The following SLC25A25 variants were observed in gnomAD, a reference collection of about 807,000 sequenced individuals.
SLC25A25 encodes mitochondrial adenyl nucleotide antiporter SLC25A25.
SLC25A25 carries 32 observed loss-of-function variants against 57.7 expected under a neutral mutation model. The observed-to-expected ratio is 0.55, with a 90% CI of 0.42 to 0.74. The LOEUF (loss-of-function observed/expected upper bound fraction) is 0.74. Ranked by LOEUF, SLC25A25 falls within the 30% of genes least tolerant of loss-of-function variation. The pLI, the probability that SLC25A25 is intolerant of heterozygous loss-of-function variation, is 0.00. For synonymous variants in SLC25A25, 306 were observed against 291.2 expected, an observed-to-expected ratio of 1.05 and a Z score of -0.52; for missense variants, 556 against 701.3, an observed-to-expected ratio of 0.79 and a Z score of 2.34.
In SLC25A25 at chr9:128,069,852, A is replaced by C. The variant is rs539751595; in HGVS notation, c.261+1272A>C. ...CTGCAGCCTCCGCCTCCTGGGTTCA[A>C]GAGATTCTCCCGCCTCAGCCTCCCC... On this transcript the variant is annotated intron_variant, in intron 1 of 10. Transcript: ENST00000373069. Among the ~76,000 whole-genome samples, 792 of 144,112 alleles carry C rather than the reference A, an allele frequency of 5.5e-3. 11 individuals carry two copies. Among genetic ancestry groups the C allele is most frequent in the African/African-American group, 0.019 (721 of 37,218 alleles). 94.5% of individuals were successfully genotyped at this position (144,112 alleles called of 152,430 possible).
At chr9:128,074,933 CGA>C (rs1055282396) in intron 1 of SLC25A25, among the ~76,000 whole-genome samples, 3 of 152,022 alleles carry the variant, frequency 2.0e-5, no homozygotes, top group African/African-American at 7.3e-5. Flanking sequence ...GTCAGGAGTT[CGA>C]GACCAGCCTG....
chr9:128,078,088 CT>C (rs1482303240), intron 1 of SLC25A25, among the ~76,000 whole-genome samples: 1 of 151,538 alleles, frequency 6.6e-6, no homozygotes, highest in Non-Finnish European at 1.5e-5. Flanking sequence ...CCTTCTGCTG[CT>C]TGCTAGCTGA....
chr9:128,074,732 A>G (rs1028410364), intron 1 of SLC25A25, among the ~76,000 whole-genome samples: 1 of 152,062 alleles, frequency 6.6e-6, no homozygotes, highest in Non-Finnish European at 1.5e-5. Context: ...AAAAAAGAAC[A>G]TATGAGGCTG....
chr9:128,090,405 G>T (rs960407401), intron 1 of SLC25A25, among the ~76,000 whole-genome samples: 8 of 151,920 alleles, frequency 5.3e-5, no homozygotes, highest in African/African-American at 1.9e-4. Flanking sequence ...TAGAGACGGG[G>T]TTTCACCATG....
chr9:128,078,474 A>T (rs1833067547), intron 1 of SLC25A25, among the ~76,000 whole-genome samples: 2 of 152,158 alleles, frequency 1.3e-5, no homozygotes, highest in African/African-American at 4.8e-5. Flanking sequence ...CCGCTGTGGA[A>T]AACCTGGGCT....
At chr9:128,077,409 C>A (rs948991675) in intron 1 of SLC25A25, among the ~76,000 whole-genome samples, 2 of 151,496 alleles carry the variant, frequency 1.3e-5, no homozygotes, top group Non-Finnish European at 1.5e-5. Context: ...CCCAGCAACT[C>A]GGGAGGCTGA....
intron 1 of SLC25A25, chr9:128,091,614 G>T: frequency 1.8e-6 from 2 of 1,136,580 alleles, no homozygotes; most frequent in Non-Finnish European, 2.2e-6. Context: ...AGTTTTTATT[G>T]AAGAAGCTCC....
chr9:128,086,539 G>A (rs893436105), intron 1 of SLC25A25, among the ~76,000 whole-genome samples: 14 of 152,040 alleles, frequency 9.2e-5, no homozygotes, highest in African/African-American at 3.4e-4. Context: ...CTCCATGTTG[G>A]TGAGGCTGGT....
chr9:128,087,140 G>A (rs1314595446), intron 1 of SLC25A25, among the ~76,000 whole-genome samples: 3 of 150,180 alleles, frequency 2.0e-5, no homozygotes, highest in Non-Finnish European at 4.4e-5. Context: ...GCTTGAACCC[G>A]GAAGGCAGAG....
intron 1 of SLC25A25, among the ~76,000 whole-genome samples, chr9:128,090,151 GAATA>G (rs1833366732): frequency 6.6e-6 from 1 of 151,948 alleles, no homozygotes. Flanking sequence ...TAAAAGCTAG[GAATA>G]AATGGCAGCA....
rs1167880816 is a variant in SLC25A25 at position 128,084,158 on chromosome 9, C to T, written c.261+15578C>T. 3.3e-5 allele frequency among the ~76,000 whole-genome samples: 5 copies of T among 152,062 alleles called. No individual in the cohort carries two copies. In the South Asian group the frequency reaches 1.0e-3, roughly 32 times the overall value. The stretch of plus-strand genomic sequence containing the variant: ...GTGCTAAGGGCATTCCAAGTAAACG[C>T]GAAAAACTAATTCAGGCCATGATGG... On this transcript the variant is annotated intron_variant, in intron 1 of 10. Coordinates refer to ENST00000373069, the MANE Select transcript of SLC25A25 (RefSeq NM_001330988.2).
rs768300868 is a variant in SLC25A25 at position 128,107,487 on chromosome 9, C to T, written c.*43C>T. ...GGCAGTGGACTCGCTGATCCTGGGC[C>T]GCAGCCTGGGGTGTGCAGCCATCTC... On this transcript the variant is annotated 3_prime_UTR_variant, in exon 11 of 11. Transcript: ENST00000373069. 20 of 1,499,686 alleles carry T rather than the reference C, an allele frequency of 1.3e-5. 1 individual carries two copies. The highest frequency in any genetic ancestry group is 2.8e-5 in the South Asian group (2 of 72,476). The allele number at this position is 1,499,686 out of a possible 1,614,324, so 92.9% of individuals were successfully genotyped here. A position where few individuals can be genotyped will look rare whatever the true frequency, so the allele number is the denominator to read the frequency against.
At chr9:128,098,367 G>A (rs974689260) in intron 1 of SLC25A25, 25 of 1,022,850 alleles carry the variant, frequency 2.4e-5, no homozygotes, top group East Asian at 3.2e-5. Flanking sequence ...CTTCTCCCCC[G>A]GGCTCTGTGT....
intron 1 of SLC25A25, among the ~76,000 whole-genome samples, chr9:128,073,385 C>A (rs1016631114): frequency 6.6e-6 from 1 of 152,204 alleles, no homozygotes; most frequent in East Asian, 1.9e-4. Flanking sequence ...CCATTTCTCT[C>A]CCTGACCCGA....
intron 1 of SLC25A25, among the ~76,000 whole-genome samples, chr9:128,076,434 CTTTTTTTTTATTTTTATTTTTATT>C (rs1321240664): frequency 1.5e-3 from 217 of 146,834 alleles, no homozygotes; most frequent in Admixed American, 1.4e-3. Flanking sequence ...CCCAGCCTAA[CTTTTTTTTTATTTTTATTTTTATT>C]TTTATTTTTA....
At position 128,107,843 on chromosome 9, in the gene SLC25A25, G is replaced by A. The variant is rs922431125; in HGVS notation, c.*399G>A. ...CCTCTGGTCTGCCGTGCATCTCCCT[G>A]TGCCCTCTTGCTGCCTGCCTGTCTG... On this transcript the variant is annotated 3_prime_UTR_variant, in exon 11 of 11. Coordinates refer to ENST00000373069, the MANE Select transcript of SLC25A25 (RefSeq NM_001330988.2). 2.0e-5 allele frequency: 8 copies of A among 402,138 alleles called. No homozygotes were observed. Among genetic ancestry groups the A allele is most frequent in the East Asian group, 3.6e-5 (1 of 28,142 alleles). The allele number at this position is 402,138 out of a possible 1,614,324, so 24.9% of individuals were successfully genotyped here.
intron 6 of SLC25A25, among the ~76,000 whole-genome samples, 168 bp from the exon 7 acceptor site, chr9:128,105,561 T>C (rs1833989621): frequency 6.6e-6 from 1 of 152,232 alleles, no homozygotes; most frequent in African/African-American, 2.4e-5. Flanking sequence ...GAGCCTCACT[T>C]AGCCGTGTTG....
At chr9:128,077,404 C>A (rs892754855) in intron 1 of SLC25A25, among the ~76,000 whole-genome samples, 11 of 151,816 alleles carry the variant, frequency 7.2e-5, no homozygotes, top group Non-Finnish European at 1.6e-4. Context: ...GTGGTCCCAG[C>A]AACTCGGGAG....
Position 128,106,398 on chromosome 9 carries a change from G to T in SLC25A25, c.1090G>T (p.Gly364Ter). 1 of 1,613,794 alleles carries T rather than the reference G, an allele frequency of 6.2e-7. No homozygotes were observed. The highest frequency in any genetic ancestry group is 8.5e-7 in the Non-Finnish European group (1 of 1,179,924). Residue 364 changes from glycine to a stop codon, truncating the protein, a stop_gained, in exon 9 of 11, where the codon GGA becomes TGA. Coordinates refer to ENST00000373069, the MANE Select transcript of SLC25A25 (RefSeq NM_001330988.2). LOFTEE classifies it high-confidence loss of function. ...MALRKTGQYSGMLDCARRILA... is the reference protein window; with the variant it reads ...MALRKTGQYS Reference sequence around the variant, plus strand: ...GCTGCGGAAGACAGGCCAGTACTCAGGAATGCTGGACTGCGCCAGGAGGAT... The same window carrying T: ...GCTGCGGAAGACAGGCCAGTACTCATGAATGCTGGACTGCGCCAGGAGGAT...
Sources: gnomAD v4.1 joint callset for allele counts (sites outside exome capture counted in the v4.1 genomes callset) on GRCh38, gnomAD v4.1.1 for gene constraint, MANE v1.5 for transcripts, NCBI Gene and HGNC (gene_info 2026-07-23, HGNC 2026-07-21) for gene names.